C14orf39: variants seen among roughly 807,000 people sequenced by gnomAD.
C14orf39 encodes the protein chromosome 14 open reading frame 39.
A neutral mutation model predicts 85.6 loss-of-function variants in C14orf39; 66 were observed. That is an observed-to-expected ratio of 0.77 (90% CI 0.63 to 0.95). The LOEUF (loss-of-function observed/expected upper bound fraction) is 0.95, where lower values mean the gene tolerates loss of function less well. Ranked by LOEUF, C14orf39 falls within the 40% of genes least tolerant of loss-of-function variation. The pLI is 0.00. For missense variants in C14orf39, 735 were observed against 663.9 expected, an observed-to-expected ratio of 1.11 and a Z score of -1.18; for synonymous variants, 242 against 214.0, an observed-to-expected ratio of 1.13 and a Z score of -1.14.
intron 1 of C14orf39, among the ~76,000 whole-genome samples, chr14:60,485,582 G>A (rs1892846597): frequency 6.6e-6 from 1 of 152,220 alleles, no homozygotes; most frequent in Non-Finnish European, 1.5e-5. Context: ...TAAAAAAATT[G>A]GAGGTTTTCA....
intron 8 of C14orf39, among the ~76,000 whole-genome samples, chr14:60,469,066 CAAG>C (rs1891938393): frequency 6.6e-6 from 1 of 151,142 alleles, no homozygotes; most frequent in South Asian, 2.1e-4. Context: ...CAAATGTTTC[CAAG>C]AAAAGTTTAA....
rs780105632 is a variant in C14orf39, at chr14:60,468,496, G to A, written c.716C>T (p.Thr239Ile). The A allele has an allele frequency of 6.3e-7, 1 of 1,595,272 alleles. No homozygotes were observed. The highest frequency in any genetic ancestry group is 8.5e-7 in the Non-Finnish European group (1 of 1,169,808). ...TGTATTTTTGTTCTTTTCTTCCAGAGTTTCTGAAAGAGCCTTAGTTTCATT... is the reference window on the plus strand; with the variant it reads ...TGTATTTTTGTTCTTTTCTTCCAGAATTTCTGAAAGAGCCTTAGTTTCATT... ...RHNETKALSETLEEKNKNTEN... is the reference protein window; with the variant it reads ...RHNETKALSEILEEKNKNTEN... Residue 239 changes from threonine (T) to isoleucine (I), a missense_variant, in exon 9 of 18, where the codon ACT (threonine) becomes ATT (isoleucine). Transcript: ENST00000321731.
intron 1 of C14orf39, chr14:60,511,431 G>T: frequency 3.4e-5 from 24 of 711,280 alleles, no homozygotes; most frequent in South Asian, 6.5e-5. Context: ...GGCTTCACTG[G>T]CGCCCTTTGG....
At position 60,438,396 on chromosome 14, in the gene C14orf39, C is replaced by T. The variant is rs886104961; in HGVS notation, c.1562-1349G>A. The stretch of plus-strand genomic sequence containing the variant: ...AAGAAAAATAGGTATAATGTAAACA[C>T]GGATCCAAAAAGAGCTAAAATCTTG... On this transcript the variant is annotated intron_variant, in intron 17 of 17. Coordinates refer to ENST00000321731, the MANE Select transcript of C14orf39 (RefSeq NM_174978.3). Among the ~76,000 whole-genome samples the T allele has an allele frequency of 3.9e-5, 6 of 152,012 alleles. No individual in the cohort carries two copies. The South Asian group carries it at 1.0e-3, about 26-fold the overall frequency.
intron 17 of C14orf39, among the ~76,000 whole-genome samples, chr14:60,440,385 C>G (rs1272750223): frequency 6.6e-6 from 1 of 152,186 alleles, no homozygotes. Context: ...TTATTCATGT[C>G]AAAACCATGG....
intron 17 of C14orf39, among the ~76,000 whole-genome samples, chr14:60,437,424 T>G (rs1890306618): frequency 6.6e-6 from 1 of 151,916 alleles, no homozygotes; most frequent in Non-Finnish European, 1.5e-5. Context: ...TGAGAAATAA[T>G]AAAGATGTAT....
rs576574885 is a variant in C14orf39, at chr14:60,458,109, C to G, written c.1179+569G>C. 1.2e-3 allele frequency among the ~76,000 whole-genome samples: 183 copies of G among 152,032 alleles called. 9 individuals are homozygous for G. In the South Asian group the frequency reaches 0.036, roughly 30 times the overall value. ...GATATCCATCACCTTAAATATTTGT[C>G]TTTTCTTCATGCTAGAAACTTTGAA... On this transcript the variant is annotated intron_variant, in intron 14 of 17. Transcript: ENST00000321731.
rs140251337 is a variant in C14orf39 at position 60,477,536 on chromosome 14, T to C, written c.323+764A>G. Reference sequence around the variant, plus strand: ...ATCCCCAAGACAATGTGATTATACATATAATAAAATAAATTCATACAATTA... The same window carrying C: ...ATCCCCAAGACAATGTGATTATACACATAATAAAATAAATTCATACAATTA... On this transcript the variant is annotated intron_variant, in intron 5 of 17. Coordinates refer to ENST00000321731, the MANE Select transcript of C14orf39 (RefSeq NM_174978.3). Among the ~76,000 whole-genome samples the C allele has an allele frequency of 7.0e-3, 1,073 of 152,316 alleles. 13 individuals carry two copies. Among genetic ancestry groups the C allele is most frequent in the African/African-American group, 0.024 (1,002 of 41,572 alleles).
intron 1 of C14orf39, chr14:60,509,553 C>T (rs771046683): frequency 3.7e-6 from 6 of 1,611,268 alleles, no homozygotes; most frequent in Non-Finnish European, 5.1e-6. Flanking sequence ...AAGAATGAGT[C>T]GGTGCTACGC....
intron 11 of C14orf39, among the ~76,000 whole-genome samples, chr14:60,464,710 T>C (rs576170069): frequency 2.9e-4 from 44 of 152,236 alleles, no homozygotes; most frequent in African/African-American, 1.0e-3. Context: ...TTTCTTCTTT[T>C]TTTCAGCCTC....
At chr14:60,479,140 T>A (rs918100042) in intron 4 of C14orf39, among the ~76,000 whole-genome samples, 5 of 152,256 alleles carry the variant, frequency 3.3e-5, no homozygotes, top group Admixed American at 2.6e-4. Context: ...CAATATTGAA[T>A]AATGACTATT....
At chr14:60,475,892 C>A (rs1477031533) in intron 5 of C14orf39, among the ~76,000 whole-genome samples, 1 of 151,982 alleles carries the variant, frequency 6.6e-6, no homozygotes, top group Non-Finnish European at 1.5e-5. Flanking sequence ...TTTCTCATTT[C>A]TTGGATCAAG....
At chr14:60,513,201 A>G (rs985628710) in intron 1 of C14orf39, among the ~76,000 whole-genome samples, 2 of 152,212 alleles carry the variant, frequency 1.3e-5, no homozygotes, top group African/African-American at 4.8e-5. Context: ...AGAGCTTTAC[A>G]TGGAAGGAGT....
chr14:60,447,183 T>A (rs1890806826), intron 16 of C14orf39, among the ~76,000 whole-genome samples: 1 of 152,292 alleles, frequency 6.6e-6, no homozygotes, highest in Admixed American at 6.5e-5. Flanking sequence ...CAATATAGTG[T>A]TGGAAGTTCT....
intron 17 of C14orf39, among the ~76,000 whole-genome samples, chr14:60,437,566 T>C (rs1411527435): frequency 6.6e-6 from 1 of 152,010 alleles, no homozygotes; most frequent in Non-Finnish European, 1.5e-5. Flanking sequence ...TTTGAACTGC[T>C]TTGTAAGTAT....
rs371507369 is a variant in C14orf39 at position 60,454,991 on chromosome 14, C to G, written c.1503+10G>C. ...TTTTTAGAAATAAAACTTTTGGCTT[C>G]TCATATTACCTGATCTGATGAGATT... On this transcript the variant is annotated intron_variant, in intron 16 of 17. Coordinates refer to ENST00000321731, the MANE Select transcript of C14orf39 (RefSeq NM_174978.3). The G allele has an allele frequency of 1.3e-6, 2 of 1,490,540 alleles. No individual in the cohort carries two copies. The highest frequency in any genetic ancestry group is 2.9e-5 in the African/African-American group (2 of 67,898). 92.3% of individuals were successfully genotyped at this position (1,490,540 alleles called of 1,614,324 possible).
At chr14:60,456,367 A>T (rs1891278691) in intron 15 of C14orf39, among the ~76,000 whole-genome samples, 1 of 151,962 alleles carries the variant, frequency 6.6e-6, no homozygotes, top group Non-Finnish European at 1.5e-5. Flanking sequence ...TGACTGATGG[A>T]ATATTAATTG....
In C14orf39 at chr14:60,466,120, G is replaced by A. The variant is rs1056572901; in HGVS notation, c.896-65C>T. 4.5e-6 allele frequency: 3 copies of A among 662,030 alleles called. No homozygotes were observed. In the African/African-American group the frequency reaches 5.6e-5, roughly 12 times the overall value. The allele number at this position is 662,030 out of a possible 1,614,324, so 41.0% of individuals were successfully genotyped here. On this transcript the variant is annotated intron_variant, in intron 10 of 17. Coordinates refer to ENST00000321731, the MANE Select transcript of C14orf39 (RefSeq NM_174978.3). ...AACAGAATCAAGTATCTTCCCCAAT[G>A]TTTAACCTAAACTTGTAATTTAGAA...
At chr14:60,449,880 A>G (rs1296366949) in intron 16 of C14orf39, among the ~76,000 whole-genome samples, 2 of 152,198 alleles carry the variant, frequency 1.3e-5, no homozygotes, top group African/African-American at 4.8e-5. Flanking sequence ...GCAACATCCC[A>G]TAATTTTTGA....
Sources: allele counts gnomAD v4.1 joint callset (sites outside exome capture counted in the v4.1 genomes callset), GRCh38; gene constraint gnomAD v4.1.1; transcripts MANE v1.5; gene names NCBI Gene and HGNC (gene_info 2026-07-23, HGNC 2026-07-21).